The following STK32B variants were observed in gnomAD, a reference collection of about 807,000 sequenced individuals.
STK32B encodes serine/threonine kinase 32B.
In STK32B, 43 loss-of-function variants were observed where a neutral mutation model predicts 52.6. The observed-to-expected ratio is 0.82, with a 90% CI of 0.64 to 1.05. The LOEUF is 1.05. Ranked by LOEUF, STK32B falls within the 50% of genes least tolerant of loss-of-function variation. The probability of loss-of-function intolerance (pLI) is 0.00; values close to 1 mark genes in which losing one functional copy is unlikely to be tolerated. For synonymous variants in STK32B, 238 were observed against 204.3 expected, an observed-to-expected ratio of 1.17 and a Z score of -1.41; for missense variants, 621 against 534.6, an observed-to-expected ratio of 1.16 and a Z score of -1.59.
chr4:5,189,558 C>T (rs764073008), intron 3 of STK32B, among the ~76,000 whole-genome samples: 3 of 152,074 alleles, frequency 2.0e-5, no homozygotes, highest in South Asian at 2.1e-4. Context: ...GGTAGCCTAC[C>T]GAAAGACATC....
intron 3 of STK32B, among the ~76,000 whole-genome samples, chr4:5,290,979 A>G (rs1012090999): frequency 6.6e-6 from 1 of 152,082 alleles, no homozygotes; most frequent in Non-Finnish European, 1.5e-5. Flanking sequence ...TTATCTTAGC[A>G]CTCTGATCAA....
intron 1 of STK32B, among the ~76,000 whole-genome samples, chr4:5,122,608 C>T (rs1255983786): frequency 6.6e-6 from 1 of 152,142 alleles, no homozygotes; most frequent in African/African-American, 2.4e-5. Flanking sequence ...CACTCACTCA[C>T]TTATTCATTC....
chr4:5,263,316 T>C (rs552623842), intron 3 of STK32B, among the ~76,000 whole-genome samples: 29 of 139,626 alleles, frequency 2.1e-4, no homozygotes, highest in Admixed American at 9.0e-4. Context: ...GATTTGGTTT[T>C]CACTGGGCCA....
rs1028262369 is a variant in STK32B at position 5,378,842 on chromosome 4, C to T, written c.435-19365C>T. ...CCGAAGACTCGGGCTTCACTGCTGACTGGGGCTTGTGATCCTGGCACGCTG... is the reference window on the plus strand; with the variant it reads ...CCGAAGACTCGGGCTTCACTGCTGATTGGGGCTTGTGATCCTGGCACGCTG... On this transcript the variant is annotated intron_variant, in intron 4 of 11. Coordinates refer to ENST00000282908, the MANE Select transcript of STK32B (RefSeq NM_018401.3). This position sits in a 1 kb window ranked among gnomAD's most constrained non-coding sequence, Gnocchi z 4.4. 2.0e-5 allele frequency among the ~76,000 whole-genome samples: 3 copies of T among 152,150 alleles called. No individual in the cohort carries two copies. The highest frequency in any genetic ancestry group is 7.2e-5 in the African/African-American group (3 of 41,420).
intron 3 of STK32B, among the ~76,000 whole-genome samples, chr4:5,240,358 G>C (rs1724937956): frequency 6.6e-6 from 1 of 151,664 alleles, no homozygotes; most frequent in South Asian, 2.1e-4. Context: ...TTAATCTTTT[G>C]TCAGTTAGAT....
rs1048241414 is a variant in STK32B, at chr4:5,378,111, T to C, written c.435-20096T>C. On this transcript the variant is annotated intron_variant, in intron 4 of 11. Transcript: ENST00000282908. This position sits in a 1 kb window ranked among gnomAD's most constrained non-coding sequence, Gnocchi z 4.4. ...GTTGAGACATTCTTCCTGACATAAT[T>C]AGGAAAATTAAAAAGAACTGAAAAA... Among the ~76,000 whole-genome samples the C allele has an allele frequency of 6.6e-6, 1 of 152,144 alleles. No individual in the cohort carries two copies. The highest frequency in any genetic ancestry group is 6.5e-5 in the Admixed American group (1 of 15,278).
chr4:5,086,055 CT>C (rs1217634790), intron 1 of STK32B, among the ~76,000 whole-genome samples: 4 of 152,166 alleles, frequency 2.6e-5, no homozygotes, highest in Non-Finnish European at 5.9e-5. Context: ...CCAGTCACTG[CT>C]GCGTGAAGTG....
At chr4:5,365,090 G>A (rs1007010444) in intron 4 of STK32B, among the ~76,000 whole-genome samples, 1 of 152,000 alleles carries the variant, frequency 6.6e-6, no homozygotes, top group Non-Finnish European at 1.5e-5. Flanking sequence ...TGGCCTGGCT[G>A]GTCTCAAACT....
At chr4:5,441,366 C>T (rs899419550) in intron 6 of STK32B, among the ~76,000 whole-genome samples, 55 of 150,876 alleles carry the variant, frequency 3.6e-4, no homozygotes, top group African/African-American at 1.2e-3. Flanking sequence ...TTATCCATTT[C>T]TTCTAGATTT....
At chr4:5,052,063 C>G in intron 1 of STK32B, 148 bp downstream of exon 1, 1 of 1,267,148 alleles carries the variant, frequency 7.9e-7, no homozygotes, top group Non-Finnish European at 1.1e-6. Context: ...GTGTGCCCGA[C>G]CCGTGCCAGG....
At chr4:5,316,840 ATATATAATATATTATATATATTATATAT>A (rs1730890231) in intron 3 of STK32B, among the ~76,000 whole-genome samples, 1 of 1,492 alleles carries the variant, frequency 6.7e-4, no homozygotes, top group Non-Finnish European at 1.2e-3. Flanking sequence ...ATTATATATT[ATATATAATATATTATATATATTATATAT>A]TATATATAAT....
At chr4:5,472,227 C>T (rs1717899070) in intron 11 of STK32B, among the ~76,000 whole-genome samples, 1 of 152,206 alleles carries the variant, frequency 6.6e-6, no homozygotes, top group South Asian at 2.1e-4. Flanking sequence ...CCTCAGGATG[C>T]CCATAGCCTG....
upstream of STK32B, among the ~76,000 whole-genome samples, chr4:5,047,005 T>C (rs561614462): frequency 6.6e-6 from 1 of 152,324 alleles, no homozygotes; most frequent in East Asian, 1.9e-4. Context: ...CCCAAAGGAA[T>C]ATAAATCATT....
intron 1 of STK32B, among the ~76,000 whole-genome samples, chr4:5,123,939 A>G (rs779574139): frequency 2.0e-5 from 3 of 152,012 alleles, no homozygotes; most frequent in Non-Finnish European, 4.4e-5. Flanking sequence ...ATCACTTAGT[A>G]TGTGTGGGGC....
At chr4:5,200,824 G>T (rs1722080042) in intron 3 of STK32B, among the ~76,000 whole-genome samples, 1 of 152,082 alleles carries the variant, frequency 6.6e-6, no homozygotes, top group African/African-American at 2.4e-5. Flanking sequence ...CAGGTCATGG[G>T]TCCCCATTCC....
chr4:5,235,727 T>A (rs1233823914), intron 3 of STK32B, among the ~76,000 whole-genome samples: 1 of 152,194 alleles, frequency 6.6e-6, no homozygotes, highest in Non-Finnish European at 1.5e-5. Context: ...AAATAGAGTC[T>A]TCGATTTGAA....
chr4:5,187,918 G>A (rs4689200), intron 3 of STK32B, among the ~76,000 whole-genome samples: 108,582 of 152,004 alleles, frequency 0.71, 39,104 homozygotes, highest in East Asian at 0.86. Context: ...GGAAGGAAGC[G>A]TGGTTATTAT....
intron 3 of STK32B, among the ~76,000 whole-genome samples, chr4:5,238,378 T>C (rs1724778090): frequency 6.6e-6 from 1 of 152,136 alleles, no homozygotes. Context: ...TTTCTTCTTT[T>C]TTTTTTGGTC....
intron 1 of STK32B, among the ~76,000 whole-genome samples, chr4:5,110,187 A>T (rs915684817): frequency 6.6e-6 from 1 of 151,234 alleles, no homozygotes; most frequent in East Asian, 2.0e-4. Context: ...TCAAAGTGAT[A>T]TACACATGAA....
Sources: gnomAD v4.1 joint callset for allele counts (sites outside exome capture counted in the v4.1 genomes callset) on GRCh38, gnomAD v4.1.1 for gene constraint, Gnocchi (gnomAD v3.1) non-coding constraint, MANE v1.5 for transcripts, NCBI Gene and HGNC (gene_info 2026-07-23, HGNC 2026-07-21) for gene names.